Variants in EVC2 observed in about 807,000 individuals in gnomAD.
EVC2 encodes limbin.
Under a neutral mutation model 149.3 loss-of-function variants are expected in EVC2, and 148 were observed. That is an observed-to-expected ratio of 0.99 (90% CI 0.87 to 1.14). EVC2 has a LOEUF of 1.14. EVC2 is among the 50% of genes most tolerant of loss of function. The pLI is 0.00. For synonymous variants in EVC2, 776 were observed against 649.9 expected (o/e 1.19, Z -2.95); for missense variants, 1,854 against 1,627.3 (o/e 1.14, Z -2.40).
chr4:5,697,018 G>T (rs1246036827), intron 2 of EVC2, among the ~76,000 whole-genome samples: 1 of 152,182 alleles, frequency 6.6e-6, no homozygotes, highest in Non-Finnish European at 1.5e-5. Flanking sequence ...CAGAAGAGAA[G>T]AAGGCCAAGT....
intron 16 of EVC2, among the ~76,000 whole-genome samples, chr4:5,592,778 C>T (rs1260253080): frequency 1.3e-5 from 2 of 152,172 alleles, no homozygotes; most frequent in African/African-American, 4.8e-5. Flanking sequence ...AAAAACACTG[C>T]ATATGTGGCT....
Position 5,611,548 on chromosome 4 carries a change from A to G in EVC2, c.2829+3874T>C, listed in dbSNP as rs73198118. 3.8e-3 allele frequency among the ~76,000 whole-genome samples: 582 copies of G among 152,332 alleles called. 3 individuals carry two copies. Among genetic ancestry groups the G allele is most frequent in the Middle Eastern group, 6.8e-3 (2 of 294 alleles). On this transcript the variant is annotated intron_variant, in intron 16 of 21. Coordinates refer to ENST00000344408, the MANE Select transcript of EVC2 (RefSeq NM_147127.5). ...GACAAAGAAAATGAATGAGGTTAAG[A>G]TATTTTCAGTAATAATGCTGAGTAC...
chr4:5,541,579 A>C (rs1317638769), downstream of EVC2, among the ~76,000 whole-genome samples: 2 of 152,152 alleles, frequency 1.3e-5, no homozygotes, highest in African/African-American at 4.8e-5. Context: ...AGGACTTCAC[A>C]TCCTTGTGTC....
chr4:5,552,318 T>C (rs1721753045), intron 21 of EVC2, among the ~76,000 whole-genome samples: 3 of 152,230 alleles, frequency 2.0e-5, no homozygotes, highest in Admixed American at 2.0e-4. Context: ...ACATTATAAC[T>C]AATAACTAAT....
intron 19 of EVC2, among the ~76,000 whole-genome samples, chr4:5,568,885 G>T (rs1367867251): frequency 6.6e-6 from 1 of 152,092 alleles, no homozygotes; most frequent in Non-Finnish European, 1.5e-5. Context: ...AAGTCACTGG[G>T]GCAGTACCCA....
At chr4:5,583,259 T>G (rs73198104) in intron 17 of EVC2, among the ~76,000 whole-genome samples, 1 of 152,356 alleles carries the variant, frequency 6.6e-6, no homozygotes, top group Non-Finnish European at 1.5e-5. Context: ...ATTCTGCTAT[T>G]TTGTTTTCAA....
intron 21 of EVC2, among the ~76,000 whole-genome samples, chr4:5,563,769 A>C (rs781215242): frequency 6.6e-6 from 1 of 152,020 alleles, no homozygotes; most frequent in Non-Finnish European, 1.5e-5. Context: ...CCCCCTCCCC[A>C]CAAGCCAATT....
intron 8 of EVC2, among the ~76,000 whole-genome samples, 172 bp downstream of exon 8, chr4:5,665,343 G>A (rs1290852919): frequency 1.3e-5 from 2 of 152,042 alleles, no homozygotes; most frequent in African/African-American, 2.4e-5. Flanking sequence ...AGAATGATGG[G>A]GATGCATCCC....
chr4:5,576,422 G>A lies in EVC2; in HGVS notation c.3090C>T (p.Asp1030=). ...ELQELERKLE[D]QLVQQEAAQQ... is the part of the protein sequence containing the mutation. ...GGGCTGCCTCCTGCTGCACCAGCTG[G>A]TCCTCCAGCTTCCTCTCCAACTCCT... The change falls in exon 18 of 22, where the codon GAC becomes GAT. Residue 1030 remains aspartate, a synonymous_variant. Coordinates refer to ENST00000344408, the MANE Select transcript of EVC2 (RefSeq NM_147127.5). The surrounding 1 kb of genome is among the most constrained non-coding windows in gnomAD (Gnocchi z 4.5). 1 of 1,610,004 alleles carries A rather than the reference G, an allele frequency of 6.2e-7. No individual in the cohort carries two copies. Among genetic ancestry groups the A allele is most frequent in the Non-Finnish European group, 8.5e-7 (1 of 1,178,028 alleles).
chr4:5,652,168 CAAGA>C (rs1323570643), intron 9 of EVC2, among the ~76,000 whole-genome samples: 1 of 152,054 alleles, frequency 6.6e-6, no homozygotes, highest in Non-Finnish European at 1.5e-5. Flanking sequence ...TGGCAGAGGC[CAAGA>C]AAGAAATAGC....
At chr4:5,690,704 C>T (rs1721065275) in intron 4 of EVC2, among the ~76,000 whole-genome samples, 1 of 152,160 alleles carries the variant, frequency 6.6e-6, no homozygotes, top group Admixed American at 6.5e-5. Flanking sequence ...CTGGGAGAGA[C>T]AGCCGGAAGC....
At chr4:5,594,964 A>G (rs1317705802) in intron 16 of EVC2, among the ~76,000 whole-genome samples, 1 of 152,246 alleles carries the variant, frequency 6.6e-6, no homozygotes, top group East Asian at 1.9e-4. Flanking sequence ...AAGAAAGGCT[A>G]TCAGTGACGG....
At chr4:5,694,216 A>T in intron 3 of EVC2, 119 bp downstream of exon 3, 1 of 1,007,994 alleles carries the variant, frequency 9.9e-7, no homozygotes, top group Non-Finnish European at 1.5e-6. Flanking sequence ...ATATTTAGTG[A>T]AAGAGGAGGA....
chr4:5,537,522 T>G, the EVC2 span, among the ~76,000 whole-genome samples: 1 of 152,194 alleles, frequency 6.6e-6, no homozygotes, highest in Admixed American at 6.5e-5. Context: ...TCATTAGCCA[T>G]AGACTAAACA....
Position 5,708,530 on chromosome 4 carries a change from C to A in EVC2, c.-17G>T. 1 of 1,429,470 alleles carries A rather than the reference C, an allele frequency of 7.0e-7. No homozygotes were observed. Among genetic ancestry groups the A allele is most frequent in the South Asian group, 1.4e-5 (1 of 70,016 alleles). 88.5% of individuals were successfully genotyped at this position (1,429,470 alleles called of 1,614,324 possible). On this transcript the variant is annotated 5_prime_UTR_variant, in exon 1 of 22. Coordinates refer to ENST00000344408, the MANE Select transcript of EVC2 (RefSeq NM_147127.5). Reference sequence around the variant, plus strand: ...GGGGTCCATCGCCTGTCGGGACCCGCTACCTCAAAGCGGCGGGTGCCGCCG... The same window carrying A: ...GGGGTCCATCGCCTGTCGGGACCCGATACCTCAAAGCGGCGGGTGCCGCCG...
intron 16 of EVC2, among the ~76,000 whole-genome samples, chr4:5,600,956 A>G (rs756725192): frequency 2.0e-5 from 3 of 152,238 alleles, no homozygotes; most frequent in Admixed American, 6.5e-5. Context: ...GAAAGTTTAC[A>G]TACTGACTAC....
At chr4:5,682,358 C>T (rs1423039558) in intron 6 of EVC2, among the ~76,000 whole-genome samples, 3 of 151,144 alleles carry the variant, frequency 2.0e-5, no homozygotes, top group Non-Finnish European at 3.0e-5. Context: ...GGTGTGGTGG[C>T]GGGCACCTGT....
downstream of EVC2, among the ~76,000 whole-genome samples, chr4:5,561,059 C>G (rs1721935996): frequency 6.6e-6 from 1 of 152,184 alleles, no homozygotes; most frequent in African/African-American, 2.4e-5. Context: ...TGCTAACAGC[C>G]TCTTCAATCA....
At chr4:5,683,410 G>C (rs1465172321) in intron 6 of EVC2, among the ~76,000 whole-genome samples, 3 of 152,182 alleles carry the variant, frequency 2.0e-5, no homozygotes, top group Non-Finnish European at 2.9e-5. Context: ...CCTCACTCCA[G>C]TACATGCATG....
Sources: gnomAD v4.1 joint callset for allele counts (sites outside exome capture counted in the v4.1 genomes callset) on GRCh38, gnomAD v4.1.1 for gene constraint, Gnocchi (gnomAD v3.1) non-coding constraint, MANE v1.5 for transcripts, NCBI Gene and HGNC (gene_info 2026-07-23, HGNC 2026-07-21) for gene names.